The following ME1 variants were observed in gnomAD, a reference collection of about 807,000 sequenced individuals.
ME1 encodes the protein malic enzyme 1.
Under a neutral mutation model 66.4 loss-of-function variants are expected in ME1, and 74 were observed. The observed-to-expected ratio is 1.11, with a 90% confidence interval of 0.92 to 1.35. ME1 has a LOEUF of 1.35. Among genes scored for constraint, ME1 ranks in the 40% most tolerant of loss-of-function variants. ME1 has a pLI of 0.00. For missense variants in ME1, 750 were observed against 694.1 expected, an observed-to-expected ratio of 1.08 and a Z score of -0.90; for synonymous variants, 251 against 235.6, an observed-to-expected ratio of 1.07 and a Z score of -0.60.
At chr6:83,218,025 T>G (rs1037376390) in intron 12 of ME1, among the ~76,000 whole-genome samples, 1 of 152,200 alleles carries the variant, frequency 6.6e-6, no homozygotes, top group Non-Finnish European at 1.5e-5. Context: ...CATATAATTG[T>G]AGGGTGTTGA....
chr6:83,285,716 G>A (rs1038266140), intron 6 of ME1, among the ~76,000 whole-genome samples: 5 of 152,266 alleles, frequency 3.3e-5, no homozygotes, highest in Admixed American at 1.3e-4. Context: ...CACCTGAAGT[G>A]TACAAGAAAT....
intron 1 of ME1, among the ~76,000 whole-genome samples, chr6:83,417,128 C>T (rs1199685538): frequency 6.6e-6 from 1 of 152,120 alleles, no homozygotes; most frequent in African/African-American, 2.4e-5. Context: ...TAGCTCACTG[C>T]AGCCTCGAAT....
chr6:83,355,919 TA>T (rs1768880437), intron 3 of ME1, among the ~76,000 whole-genome samples: 1 of 152,168 alleles, frequency 6.6e-6, no homozygotes, highest in African/African-American at 2.4e-5. Flanking sequence ...ACATGCCAAC[TA>T]AGAATACTCC....
rs1363426989 is a variant in ME1, at chr6:83,398,416, T to A, written c.313A>T (p.Thr105Ser). Residue 105 changes from threonine (T) to serine (S), a missense_variant, in exon 3 of 14, where the codon ACT (threonine) becomes TCT (serine). Coordinates refer to ENST00000369705, the MANE Select transcript of ME1 (RefSeq NM_002395.6). The part of the protein sequence containing the change: ...EKFMPIVYTP[T>S]VGLACQQYSL... Reference sequence around the variant, plus strand: ...TATTGTTGGCAAGCCAGACCCACAGTGGGAGTATAAACAATAGGCATGAAT... The same window carrying A: ...TATTGTTGGCAAGCCAGACCCACAGAGGGAGTATAAACAATAGGCATGAAT... 1.2e-6 allele frequency: 2 copies of A among 1,602,006 alleles called. No individual in the cohort carries two copies. Among genetic ancestry groups the A allele is most frequent in the Non-Finnish European group, 1.7e-6 (2 of 1,175,078 alleles).
At chr6:83,406,101 C>T (rs1023844496) in intron 2 of ME1, among the ~76,000 whole-genome samples, 1 of 152,098 alleles carries the variant, frequency 6.6e-6, no homozygotes, top group Non-Finnish European at 1.5e-5. Flanking sequence ...TGAGTTTTGT[C>T]ATTGGTTCTT....
At chr6:83,377,037 T>C (rs191894333) in intron 3 of ME1, among the ~76,000 whole-genome samples, 21 of 152,272 alleles carry the variant, frequency 1.4e-4, no homozygotes, top group East Asian at 5.8e-4. Flanking sequence ...CTGAAAAAGT[T>C]TATACTGTGG....
At chr6:83,302,456 T>C (rs1767745185) in intron 6 of ME1, among the ~76,000 whole-genome samples, 1 of 152,022 alleles carries the variant, frequency 6.6e-6, no homozygotes, top group African/African-American at 2.4e-5. Flanking sequence ...GAACTTAAAA[T>C]TAAAGTTATT....
chr6:83,373,339 G>A (rs1480493073), intron 3 of ME1, among the ~76,000 whole-genome samples: 4 of 151,900 alleles, frequency 2.6e-5, no homozygotes, highest in Non-Finnish European at 4.4e-5. Flanking sequence ...GGGTTTAAGC[G>A]ATGCTCCTGC....
intron 6 of ME1, among the ~76,000 whole-genome samples, chr6:83,304,640 CTT>C (rs751024157): frequency 6.6e-6 from 1 of 152,260 alleles, no homozygotes; most frequent in South Asian, 2.1e-4. Flanking sequence ...GAAAAACACT[CTT>C]GAGAATTAAT....
chr6:83,225,556 A>G (rs1335430410), intron 11 of ME1, among the ~76,000 whole-genome samples: 1 of 152,074 alleles, frequency 6.6e-6, no homozygotes, highest in African/African-American at 2.4e-5. Context: ...AAGTTGTATA[A>G]CAGAAATTCA....
At chr6:83,265,225 A>AT (rs938988084) in intron 6 of ME1, among the ~76,000 whole-genome samples, 2 of 152,192 alleles carry the variant, frequency 1.3e-5, no homozygotes, top group Admixed American at 6.5e-5. Flanking sequence ...AGGTAGACAA[A>AT]TTTTTTAAAC....
intron 1 of ME1, among the ~76,000 whole-genome samples, chr6:83,417,280 T>C (rs999030813): frequency 6.6e-6 from 1 of 152,154 alleles, no homozygotes; most frequent in African/African-American, 2.4e-5. Context: ...TCCTGTCCTT[T>C]GTCCTCAAGC....
chr6:83,376,028 G>T (rs1769281295), intron 3 of ME1, among the ~76,000 whole-genome samples: 1 of 151,942 alleles, frequency 6.6e-6, no homozygotes, highest in Non-Finnish European at 1.5e-5. Flanking sequence ...TGTAGTTTCT[G>T]CTATATATTA....
intron 6 of ME1, among the ~76,000 whole-genome samples, chr6:83,254,180 G>A (rs368884529): frequency 4.6e-5 from 7 of 151,944 alleles, no homozygotes; most frequent in African/African-American, 1.7e-4. Context: ...ATAAGCTGAG[G>A]AAAAATAGAA....
intron 6 of ME1, among the ~76,000 whole-genome samples, chr6:83,268,885 T>C (rs1429461532): frequency 6.6e-6 from 1 of 151,936 alleles, no homozygotes; most frequent in Non-Finnish European, 1.5e-5. Flanking sequence ...AGCCACTGTA[T>C]CCAGCTCACA....
At chr6:83,372,436 T>C (rs1279160425) in intron 3 of ME1, among the ~76,000 whole-genome samples, 1 of 152,192 alleles carries the variant, frequency 6.6e-6, no homozygotes, top group African/African-American at 2.4e-5. Flanking sequence ...TATCTCTCTT[T>C]CCTAAATTTG....
chr6:83,425,550 A>G (rs1332047116), intron 1 of ME1, among the ~76,000 whole-genome samples: 6 of 152,040 alleles, frequency 3.9e-5, no homozygotes. Flanking sequence ...AAACCATCAG[A>G]TCTCGTGAGA....
chr6:83,363,739 G>A (rs1009492750), intron 3 of ME1, among the ~76,000 whole-genome samples: 9 of 152,198 alleles, frequency 5.9e-5, no homozygotes, highest in Admixed American at 1.3e-4. Flanking sequence ...AAACATGTTT[G>A]TGTATTTATA....
At chr6:83,403,645 C>A (rs1043646782) in intron 2 of ME1, among the ~76,000 whole-genome samples, 4 of 152,120 alleles carry the variant, frequency 2.6e-5, no homozygotes, top group Admixed American at 2.0e-4. Flanking sequence ...AATGCTCTCC[C>A]TCTCCTTTCC....
Sources: gnomAD v4.1 joint callset for allele counts (sites outside exome capture counted in the v4.1 genomes callset) on GRCh38, gnomAD v4.1.1 for gene constraint, MANE v1.5 for transcripts, NCBI Gene and HGNC (gene_info 2026-07-23, HGNC 2026-07-21) for gene names.